PAX2: variants seen among roughly 807,000 people sequenced by gnomAD.
PAX2 encodes the protein paired box 2, also known as paired box protein Pax-2.
PAX2 carries 9 observed loss-of-function variants against 41.7 expected under a neutral mutation model. The ratio of observed to expected loss-of-function variants is 0.22; its 90% CI spans 0.13 to 0.38. PAX2 has a LOEUF of 0.38. PAX2 is among the 10% of genes least tolerant of loss of function. The probability of loss-of-function intolerance (pLI) is 1.00; values close to 1 mark genes in which losing one functional copy is unlikely to be tolerated. For synonymous variants in PAX2, 221 were observed against 212.7 expected (o/e 1.04, Z -0.34); for missense variants, 418 against 531.6 (o/e 0.79, Z 2.10).
At chr10:100,779,058 T>C (rs1450477231) in intron 3 of PAX2, among the ~76,000 whole-genome samples, 1 of 151,996 alleles carries the variant, frequency 6.6e-6, no homozygotes, top group Non-Finnish European at 1.5e-5. Context: ...CAGTCCCAAG[T>C]AGGAAAGCCA....
At chr10:100,752,751 C>T (rs551757150) in intron 3 of PAX2, among the ~76,000 whole-genome samples, 2 of 152,272 alleles carry the variant, frequency 1.3e-5, no homozygotes, top group African/African-American at 4.8e-5. Flanking sequence ...GTGGTGGCCC[C>T]GTCCAACACC....
rs56155264 is a variant in PAX2, at chr10:100,748,106, A to G, written c.44-1640A>G. ...CAGCGCCGACTCGCTGCAGTCCCCC[A>G]GCCCTGGACTCCCGCCGTGTCCCCT... On this transcript the variant is annotated intron_variant, in intron 1 of 9. Coordinates refer to ENST00000355243, the MANE Select transcript of PAX2 (RefSeq NM_000278.5). This position sits in a 1 kb window ranked among gnomAD's most constrained non-coding sequence, Gnocchi z 5.0. 50,856 of 984,882 alleles carry G rather than the reference A, an allele frequency of 0.052. 1,556 individuals are homozygous for G. Among genetic ancestry groups the G allele is most frequent in the African/African-American group, 0.12 (7,039 of 57,174 alleles). 61.0% of individuals were successfully genotyped at this position (984,882 alleles called of 1,614,324 possible).
intron 3 of PAX2, among the ~76,000 whole-genome samples, chr10:100,772,801 G>T (rs1477476143): frequency 6.6e-6 from 1 of 152,208 alleles, no homozygotes; most frequent in Non-Finnish European, 1.5e-5. Context: ...TTCAAGCTCT[G>T]CTAGGAAGTA....
Position 100,745,754 on chromosome 10 carries a change from G to A in PAX2, c.-507G>A, listed in dbSNP as rs943490408. The A allele has an allele frequency of 9.7e-7, 1 of 1,028,422 alleles. No homozygotes were observed. The highest frequency in any genetic ancestry group is 1.2e-6 in the Non-Finnish European group (1 of 856,164). The allele number at this position is 1,028,422 out of a possible 1,614,324, so 63.7% of individuals were successfully genotyped here. A position where few individuals can be genotyped will look rare whatever the true frequency, so the allele number is the denominator to read the frequency against. ...GCTCCCCTCCCGCAGGCGCCACCTCGGACATCCCCGGGATTGCTACTTCTC... is the reference window on the plus strand; with the variant it reads ...GCTCCCCTCCCGCAGGCGCCACCTCAGACATCCCCGGGATTGCTACTTCTC... On this transcript the variant is annotated 5_prime_UTR_variant, in exon 1 of 10. Transcript: ENST00000355243.
chr10:100,793,428 C>G (rs565052703), intron 5 of PAX2, among the ~76,000 whole-genome samples: 1 of 152,358 alleles, frequency 6.6e-6, no homozygotes, highest in African/African-American at 2.4e-5. Flanking sequence ...TCACCTCCCT[C>G]CTTGTCGGTA....
intron 5 of PAX2, among the ~76,000 whole-genome samples, chr10:100,792,627 C>A (rs1432963464): frequency 6.6e-6 from 1 of 152,228 alleles, no homozygotes; most frequent in East Asian, 1.9e-4. Flanking sequence ...AAATTGCTGA[C>A]TGTGGAGGAC....
chr10:100,786,124 G>T (rs1227278117), intron 5 of PAX2, among the ~76,000 whole-genome samples: 1 of 152,216 alleles, frequency 6.6e-6, no homozygotes, highest in Non-Finnish European at 1.5e-5. Flanking sequence ...TTGGGCATAG[G>T]CGCCCTAACC....
intron 1 of PAX2, chr10:100,747,545 G>A (rs923641725): frequency 1.6e-5 from 14 of 852,722 alleles, no homozygotes; most frequent in African/African-American, 5.5e-5. Flanking sequence ...TAATAATTAA[G>A]GATAATTTGT....
chr10:100,769,677 TAAAA>T (rs1424077909), intron 3 of PAX2, among the ~76,000 whole-genome samples: 3 of 135,504 alleles, frequency 2.2e-5, no homozygotes, highest in Non-Finnish European at 4.9e-5. Flanking sequence ...AATAAAAAAA[TAAAA>T]AACAAAAAAC....
chr10:100,820,273 A>G (rs1467079615), intron 7 of PAX2, among the ~76,000 whole-genome samples: 1 of 152,186 alleles, frequency 6.6e-6, no homozygotes, highest in Non-Finnish European at 1.5e-5. Flanking sequence ...ATTAAAAGGC[A>G]GTGTGGTATA....
Position 100,791,836 on chromosome 10 carries a change from T to A in PAX2, c.616+10471T>A, listed in dbSNP as rs1257373933. Among the ~76,000 whole-genome samples the A allele has an allele frequency of 6.6e-6, 1 of 152,182 alleles. No homozygotes were observed. Among genetic ancestry groups the A allele is most frequent in the African/African-American group, 2.4e-5 (1 of 41,440 alleles). ...GTGCCCAGCATGAGCCCTTGGGCAG[T>A]GTGGGCACCTGGGTGGACTGGTGGT... On this transcript the variant is annotated intron_variant, in intron 5 of 9. Transcript: ENST00000355243. This position sits in a 1 kb window ranked among gnomAD's most constrained non-coding sequence, Gnocchi z 4.5.
intron 3 of PAX2, among the ~76,000 whole-genome samples, chr10:100,772,367 TG>T (rs1458831637): frequency 6.6e-6 from 1 of 152,140 alleles, no homozygotes; most frequent in East Asian, 1.9e-4. Context: ...TTGGCCAGGC[TG>T]GTCTCGAACT....
chr10:100,749,185 T>C, intron 1 of PAX2: 2 of 986,788 alleles, frequency 2.0e-6, no homozygotes, highest in Non-Finnish European at 2.4e-6. Context: ...TTAATACTTT[T>C]TAAAGAAGAG....
intron 7 of PAX2, among the ~76,000 whole-genome samples, chr10:100,814,290 T>C (rs1848107400): frequency 1.5e-5 from 2 of 132,434 alleles, no homozygotes; most frequent in South Asian, 4.7e-4. Context: ...AGGCAGAGCT[T>C]GCAGTGAGCT....
intron 3 of PAX2, among the ~76,000 whole-genome samples, chr10:100,762,964 C>A (rs144865600): frequency 6.6e-6 from 1 of 152,246 alleles, no homozygotes; most frequent in Non-Finnish European, 1.5e-5. Flanking sequence ...GGGTACAGTT[C>A]GGTAGGCAGT....
rs1006193841 is a variant in PAX2 at position 100,814,247 on chromosome 10, G to A, written c.919+5011G>A. ...GGCGCCTGTAGTCCCAGCTACTTCG[G>A]AGGCTGAGGCAGGAATATCACTTGA... On this transcript the variant is annotated intron_variant, in intron 7 of 9. Transcript: ENST00000355243. 3.3e-5 allele frequency among the ~76,000 whole-genome samples: 5 copies of A among 151,374 alleles called. No homozygotes were observed. The East Asian group carries it at 9.8e-4, about 30-fold the overall frequency.
chr10:100,758,554 G>A (rs1325654682), intron 3 of PAX2, among the ~76,000 whole-genome samples: 10 of 152,212 alleles, frequency 6.6e-5, no homozygotes, highest in East Asian at 3.8e-4. Context: ...ATGGAGATGC[G>A]CTGTGGCTGC....
rs184154095 is a variant in PAX2 at position 100,781,157 on chromosome 10, C to T, written c.497-89C>T. 1.7e-5 allele frequency: 22 copies of T among 1,332,656 alleles called. No individual in the cohort carries two copies. The African/African-American group carries it at 3.0e-4, about 18-fold the overall frequency. The allele number at this position is 1,332,656 out of a possible 1,614,324, so 82.6% of individuals were successfully genotyped here. On this transcript the variant is annotated intron_variant, in intron 4 of 9. Transcript: ENST00000355243. ...TCATCCCTCCTTATGTCCTCTGCTT[C>T]TCTCTGCCCCCCAGCCTTGGGGCTT...
chr10:100,793,425 C>T (rs1847208727), intron 5 of PAX2, among the ~76,000 whole-genome samples: 1 of 152,254 alleles, frequency 6.6e-6, no homozygotes, highest in South Asian at 2.1e-4. Context: ...CCTTCACCTC[C>T]CTCCTTGTCG....
Sources: allele counts gnomAD v4.1 joint callset (sites outside exome capture counted in the v4.1 genomes callset), GRCh38; gene constraint gnomAD v4.1.1; non-coding constraint Gnocchi (gnomAD v3.1); transcripts MANE v1.5; gene names NCBI Gene and HGNC (gene_info 2026-07-23, HGNC 2026-07-21).